Variants in CSMD1 observed in about 807,000 individuals in gnomAD.
CSMD1 encodes the protein CUB and sushi domain-containing protein 1.
A neutral mutation model predicts 417.5 loss-of-function variants in CSMD1; 213 were observed. That is an observed-to-expected ratio of 0.51 (90% CI 0.46 to 0.57). The LOEUF is 0.57. Ranked by LOEUF, CSMD1 falls within the 20% of genes least tolerant of loss-of-function variation. The pLI is 0.00. For missense variants in CSMD1, 6,923 were observed against 4,529.7 expected (o/e 1.53, Z -15.17); for synonymous variants, 2,862 against 1,736.8 (o/e 1.65, Z -16.11).
intron 1 of CSMD1, among the ~76,000 whole-genome samples, chr8:4,706,575 C>T (rs1239100504): frequency 6.6e-6 from 1 of 152,218 alleles, no homozygotes; most frequent in Middle Eastern, 3.4e-3. Flanking sequence ...CAACTTATGC[C>T]ATGTTTAAAT....
intron 7 of CSMD1, among the ~76,000 whole-genome samples, chr8:3,674,731 C>T (rs1023822286): frequency 3.0e-4 from 46 of 152,208 alleles, no homozygotes; most frequent in African/African-American, 9.9e-4. Context: ...GATTCCAAGT[C>T]CCTGCCCTTC....
At chr8:3,535,241 C>G (rs888994593) in intron 10 of CSMD1, among the ~76,000 whole-genome samples, 2 of 152,164 alleles carry the variant, frequency 1.3e-5, no homozygotes, top group Non-Finnish European at 2.9e-5. Context: ...GCATGAGCCA[C>G]CGCACCCAGC....
chr8:3,524,580 T>C (rs1158123764), intron 10 of CSMD1, among the ~76,000 whole-genome samples: 1 of 145,422 alleles, frequency 6.9e-6, no homozygotes, highest in Admixed American at 6.8e-5. Context: ...CAGACACTTA[T>C]GCACACACAA....
intron 4 of CSMD1, among the ~76,000 whole-genome samples, chr8:4,004,768 G>A (rs1304520816): frequency 6.6e-6 from 1 of 151,856 alleles, no homozygotes; most frequent in Non-Finnish European, 1.5e-5. Flanking sequence ...TTTTTGAGAT[G>A]GCGTCTCACT....
chr8:3,911,184 C>A (rs1459222667), intron 5 of CSMD1, among the ~76,000 whole-genome samples: 3 of 152,126 alleles, frequency 2.0e-5, no homozygotes, highest in African/African-American at 4.8e-5. Context: ...TGCTTCCAGA[C>A]GGGTCTCTGG....
chr8:3,621,578 T>G, intron 7 of CSMD1, among the ~76,000 whole-genome samples: 1 of 152,168 alleles, frequency 6.6e-6, no homozygotes, highest in Non-Finnish European at 1.5e-5. Flanking sequence ...GCATGGTTTT[T>G]ACTTTTCTTT....
chr8:3,650,826 T>C (rs1169931109), intron 7 of CSMD1, among the ~76,000 whole-genome samples: 3 of 152,192 alleles, frequency 2.0e-5, no homozygotes, highest in African/African-American at 7.2e-5. Context: ...ACACTGGTTA[T>C]ACCATCTCCA....
chr8:3,819,629 G>A (rs1164202727), intron 5 of CSMD1, among the ~76,000 whole-genome samples: 2 of 151,960 alleles, frequency 1.3e-5, no homozygotes, highest in African/African-American at 2.4e-5. Flanking sequence ...TGTTGCCCAG[G>A]CTGGAGTACA....
At chr8:3,839,966 T>C (rs1054305184) in intron 5 of CSMD1, among the ~76,000 whole-genome samples, 9 of 152,184 alleles carry the variant, frequency 5.9e-5, no homozygotes, top group East Asian at 3.9e-4. Flanking sequence ...GACTGAAGCA[T>C]TGGGTGAGAT....
intron 22 of CSMD1, among the ~76,000 whole-genome samples, chr8:3,345,151 C>G (rs1807906123): frequency 6.6e-6 from 1 of 152,186 alleles, no homozygotes; most frequent in Non-Finnish European, 1.5e-5. Flanking sequence ...AGTGAAGCCC[C>G]TGCTGGGTCC....
At chr8:3,686,387 A>C (rs1799946000) in intron 7 of CSMD1, among the ~76,000 whole-genome samples, 1 of 152,148 alleles carries the variant, frequency 6.6e-6, no homozygotes, top group Non-Finnish European at 1.5e-5. Flanking sequence ...CGCCACACTG[A>C]CGATGAGAGT....
At chr8:3,130,426 T>A (rs1159414257) in intron 41 of CSMD1, among the ~76,000 whole-genome samples, 1 of 152,030 alleles carries the variant, frequency 6.6e-6, no homozygotes, top group Admixed American at 6.6e-5. Flanking sequence ...TCCCCTGCTC[T>A]ACTCTTCCCT....
intron 41 of CSMD1, among the ~76,000 whole-genome samples, chr8:3,125,251 T>G (rs775486533): frequency 3.9e-5 from 6 of 152,204 alleles, no homozygotes; most frequent in Non-Finnish European, 7.3e-5. Context: ...ATGGGTTTCA[T>G]AGTGCCTGTG....
intron 2 of CSMD1, among the ~76,000 whole-genome samples, chr8:4,451,029 A>C (rs955016695): frequency 1.4e-4 from 22 of 152,296 alleles, no homozygotes; most frequent in African/African-American, 5.3e-4. Context: ...GGGAAAAAAA[A>C]AATGGAATTT....
At chr8:3,888,685 G>C (rs957475533) in intron 5 of CSMD1, among the ~76,000 whole-genome samples, 1 of 152,248 alleles carries the variant, frequency 6.6e-6, no homozygotes, top group African/African-American at 2.4e-5. Flanking sequence ...AGAGAAAGAG[G>C]CTGCCGGGAC....
chr8:4,355,306 TACACAC>T (rs66981171), intron 3 of CSMD1, among the ~76,000 whole-genome samples: 3 of 139,986 alleles, frequency 2.1e-5, no homozygotes, highest in Non-Finnish European at 3.2e-5. Context: ...AACCACTTCA[TACACAC>T]ACACACACAC....
intron 5 of CSMD1, among the ~76,000 whole-genome samples, chr8:3,928,354 A>G (rs1386254412): frequency 6.7e-6 from 1 of 148,504 alleles, no homozygotes; most frequent in East Asian, 2.0e-4. Flanking sequence ...CAAATGATAT[A>G]TTGCCCTTTT....
chr8:3,597,341 C>T (rs1303974917), intron 8 of CSMD1, among the ~76,000 whole-genome samples: 1 of 151,958 alleles, frequency 6.6e-6, no homozygotes, highest in Non-Finnish European at 1.5e-5. Context: ...TGTCTGGTTC[C>T]AATTTCCCTC....
At chr8:2,980,005 G>T (rs1425440834) in intron 54 of CSMD1, among the ~76,000 whole-genome samples, 1 of 152,144 alleles carries the variant, frequency 6.6e-6, no homozygotes, top group Non-Finnish European at 1.5e-5. Flanking sequence ...GTATAACCTG[G>T]AAGACACCCA....
Sources: allele counts gnomAD v4.1 joint callset (sites outside exome capture counted in the v4.1 genomes callset), GRCh38; gene constraint gnomAD v4.1.1; transcripts MANE v1.5; gene names NCBI Gene and HGNC (gene_info 2026-07-23, HGNC 2026-07-21).